NPR3: variants seen among roughly 807,000 people sequenced by gnomAD.
NPR3 encodes the protein natriuretic peptide receptor 3.
In NPR3, 34 loss-of-function variants were observed where a neutral mutation model predicts 54.5. That is an observed-to-expected ratio of 0.62 (90% confidence interval 0.47 to 0.83). The LOEUF (loss-of-function observed/expected upper bound fraction) is 0.83. NPR3 is among the 40% of genes least tolerant of loss of function. The pLI is 0.00. For missense variants in NPR3, 674 were observed against 720.8 expected (o/e 0.94, Z 0.74); for synonymous variants, 289 against 297.1 (o/e 0.97, Z 0.28).
chr5:32,742,469 A>C (rs1430225192), intron 3 of NPR3, among the ~76,000 whole-genome samples: 1 of 152,156 alleles, frequency 6.6e-6, no homozygotes, highest in Non-Finnish European at 1.5e-5. Context: ...AAAAATAAGT[A>C]AATAAGGTAA....
In NPR3 at chr5:32,758,114, C is replaced by G. The variant is rs189610406; in HGVS notation, c.1060-16594C>G. Among the ~76,000 whole-genome samples the G allele has an allele frequency of 4.3e-3, 654 of 152,196 alleles. 2 individuals are homozygous for G. The highest frequency in any genetic ancestry group is 0.013 in the African/African-American group (552 of 41,524). On this transcript the variant is annotated intron_variant, in intron 3 of 7. Transcript: ENST00000265074. ...TTTGGTATCAGGATGATGCTGGCCT[C>G]GTAAAATGAGTTAGGGAGGATTCCC... is the stretch of plus-strand genomic sequence containing the variant.
At chr5:32,769,854 G>C (rs1038375414) in intron 3 of NPR3, among the ~76,000 whole-genome samples, 1 of 152,230 alleles carries the variant, frequency 6.6e-6, no homozygotes, top group Non-Finnish European at 1.5e-5. Flanking sequence ...TGGAACACAG[G>C]CATTGAGGGA....
upstream of NPR3, among the ~76,000 whole-genome samples, chr5:32,708,443 A>G (rs562479423): frequency 4.0e-5 from 6 of 151,898 alleles, no homozygotes; most frequent in East Asian, 9.6e-4. Flanking sequence ...AAACTTAGCT[A>G]TATATATATA....
At chr5:32,725,422 A>G (rs1052359639) in intron 2 of NPR3, among the ~76,000 whole-genome samples, 2 of 152,226 alleles carry the variant, frequency 1.3e-5, no homozygotes, top group East Asian at 3.8e-4. Flanking sequence ...CAACAATTCA[A>G]TTGGAGCAAA....
At chr5:32,729,393 G>A (rs762038438) in intron 2 of NPR3, among the ~76,000 whole-genome samples, 2 of 152,064 alleles carry the variant, frequency 1.3e-5, no homozygotes, top group African/African-American at 2.4e-5. Flanking sequence ...GTGTTATGTT[G>A]TTATGTTGAT....
chr5:32,763,970 T>C (rs971598492), intron 3 of NPR3, among the ~76,000 whole-genome samples: 2 of 152,232 alleles, frequency 1.3e-5, no homozygotes, highest in African/African-American at 4.8e-5. Context: ...AATGAATTGT[T>C]AGTCTTTGGA....
At position 32,724,924 on chromosome 5, in the gene NPR3, C is replaced by G. The variant is rs141514562; in HGVS notation, c.892+104C>G. ...TAAATAATATGTGGTACATAAACAC[C>G]ATGGAATACTATGCAGCTTTATAAA... On this transcript the variant is annotated intron_variant, in intron 2 of 7. Coordinates refer to ENST00000265074, the MANE Select transcript of NPR3 (RefSeq NM_001204375.2). 594 of 1,235,508 alleles carry G rather than the reference C, an allele frequency of 4.8e-4. 5 individuals are homozygous for G. The African/African-American group carries it at 8.1e-3, about 17-fold the overall frequency. 76.5% of individuals were successfully genotyped at this position (1,235,508 alleles called of 1,614,324 possible). A position where few individuals can be genotyped will look rare whatever the true frequency, so the allele number is the denominator to read the frequency against.
chr5:32,726,718 A>G (rs955244580), intron 2 of NPR3, among the ~76,000 whole-genome samples: 1 of 152,220 alleles, frequency 6.6e-6, no homozygotes, highest in Admixed American at 6.5e-5. Flanking sequence ...TTTCCCTGTT[A>G]ATTACAATAC....
intron 4 of NPR3, among the ~76,000 whole-genome samples, chr5:32,777,132 C>T (rs901600304): frequency 7.9e-5 from 12 of 152,198 alleles, no homozygotes; most frequent in African/African-American, 2.9e-4. Flanking sequence ...ATCATGCGGA[C>T]CTGCAAGCCT....
chr5:32,695,782 A>G (rs189836164), intron 1 of NPR3, among the ~76,000 whole-genome samples: 13 of 152,314 alleles, frequency 8.5e-5, no homozygotes, highest in Admixed American at 8.5e-4. Context: ...AATGATGTTG[A>G]GCACCTTTTC....
intron 1 of NPR3, among the ~76,000 whole-genome samples, chr5:32,715,739 A>G (rs527778770): frequency 4.6e-5 from 7 of 152,360 alleles, no homozygotes; most frequent in African/African-American, 1.4e-4. Flanking sequence ...AATACAAGCC[A>G]GTAGTTGTTT....
intron 1 of NPR3, among the ~76,000 whole-genome samples, chr5:32,700,881 G>A (rs901143758): frequency 1.3e-5 from 2 of 152,170 alleles, no homozygotes; most frequent in African/African-American, 4.8e-5. Flanking sequence ...CTTTATAGTA[G>A]CATGATTTAT....
chr5:32,699,656 AGTT>A (rs907858670), intron 1 of NPR3, among the ~76,000 whole-genome samples: 14 of 152,164 alleles, frequency 9.2e-5, no homozygotes, highest in Non-Finnish European at 1.8e-4. Context: ...TGTCTTGAAA[AGTT>A]GTTGTAGTTA....
rs567023202 is a variant in NPR3, at chr5:32,759,035, A to G, written c.1060-15673A>G. On this transcript the variant is annotated intron_variant, in intron 3 of 7. Transcript: ENST00000265074. ...TGCTTTACTTCCAACTATGTGGTCA[A>G]TTTTGGAATAGGTGTGGTGTGGTGC... is the stretch of plus-strand genomic sequence containing the variant. Among the ~76,000 whole-genome samples, 84 of 152,270 alleles carry G rather than the reference A, an allele frequency of 5.5e-4. 1 individual carries two copies. Among genetic ancestry groups the G allele is most frequent in the African/African-American group, 1.9e-3 (79 of 41,538 alleles).
intron 3 of NPR3, among the ~76,000 whole-genome samples, chr5:32,752,455 T>C (rs1561110145): frequency 6.6e-6 from 1 of 152,144 alleles, no homozygotes; most frequent in Non-Finnish European, 1.5e-5. Context: ...AGAAATAAAA[T>C]GAAGCTGTAT....
intron 4 of NPR3, among the ~76,000 whole-genome samples, chr5:32,776,335 AT>A (rs961334326): frequency 3.9e-5 from 6 of 152,026 alleles, no homozygotes; most frequent in Admixed American, 3.3e-4. Flanking sequence ...CACTTGTAAA[AT>A]TTTTTTTGCA....
intron 2 of NPR3, among the ~76,000 whole-genome samples, chr5:32,732,144 G>A (rs994890008): frequency 8.0e-5 from 12 of 150,862 alleles, no homozygotes; most frequent in African/African-American, 2.9e-4. Context: ...GGGAGGCTGA[G>A]GCAGGAGAAT....
chr5:32,778,686 G>A (rs947833960), intron 4 of NPR3, among the ~76,000 whole-genome samples: 1 of 152,164 alleles, frequency 6.6e-6, no homozygotes, highest in African/African-American at 2.4e-5. Flanking sequence ...TGTAAGCCTG[G>A]AAATCTCACC....
intron 3 of NPR3, among the ~76,000 whole-genome samples, chr5:32,772,797 G>A (rs1561126712): frequency 1.3e-5 from 2 of 151,978 alleles, no homozygotes; most frequent in South Asian, 2.1e-4. Context: ...TAAACCTAAC[G>A]ACATCCCCAC....
Sources: gnomAD v4.1 joint callset for allele counts (sites outside exome capture counted in the v4.1 genomes callset) on GRCh38, gnomAD v4.1.1 for gene constraint, MANE v1.5 for transcripts, NCBI Gene and HGNC (gene_info 2026-07-23, HGNC 2026-07-21) for gene names.